CCDC138: variants seen among roughly 807,000 people sequenced by gnomAD.
CCDC138 encodes coiled-coil domain containing 138.
A neutral mutation model predicts 82.3 loss-of-function variants in CCDC138; 66 were observed. The observed-to-expected ratio is 0.80, with a 90% CI of 0.66 to 0.98. The LOEUF (loss-of-function observed/expected upper bound fraction) is 0.98, where lower values mean the gene tolerates loss of function less well. CCDC138 is among the 50% of genes least tolerant of loss of function. The probability of loss-of-function intolerance (pLI) is 0.00; values close to 1 mark genes in which losing one functional copy is unlikely to be tolerated. For synonymous variants in CCDC138, 297 were observed against 265.4 expected (o/e 1.12, Z -1.16); for missense variants, 816 against 758.9 (o/e 1.08, Z -0.88).
intron 12 of CCDC138, among the ~76,000 whole-genome samples, chr2:108,850,119 C>A (rs768054793): frequency 1.3e-5 from 2 of 152,156 alleles, no homozygotes; most frequent in African/African-American, 2.4e-5. Flanking sequence ...AGCTATTTAT[C>A]CTTTATCGTT....
At position 108,815,932 on chromosome 2, in the gene CCDC138, G is replaced by A. The variant is rs1312750536; in HGVS notation, c.1042-9G>A. 1 of 1,584,154 alleles carries A rather than the reference G, an allele frequency of 6.3e-7. No homozygotes were observed. The highest frequency in any genetic ancestry group is 2.2e-5 in the East Asian group (1 of 44,594). ...AACTGAAATAAATGATTTAATTTTTGACATATAGGTACCACTTAATGGGCA... is the reference window on the plus strand; with the variant it reads ...AACTGAAATAAATGATTTAATTTTTAACATATAGGTACCACTTAATGGGCA... On this transcript the variant is annotated splice_polypyrimidine_tract_variant and intron_variant, in intron 9 of 14. Coordinates refer to ENST00000295124, the MANE Select transcript of CCDC138 (RefSeq NM_144978.3).
At chr2:108,877,094 A>G (rs1696070701), downstream of CCDC138, among the ~76,000 whole-genome samples, 1 of 152,214 alleles carries the variant, frequency 6.6e-6, no homozygotes, top group Non-Finnish European at 1.5e-5. Context: ...ATACCAGAAA[A>G]TGTGCCATTT....
At chr2:108,859,698 T>A (rs1325096336) in intron 13 of CCDC138, among the ~76,000 whole-genome samples, 1 of 152,200 alleles carries the variant, frequency 6.6e-6, no homozygotes, top group African/African-American at 2.4e-5. Context: ...GTTTGGTTAC[T>A]ATAGCCTTGT....
intron 6 of CCDC138, among the ~76,000 whole-genome samples, chr2:108,803,741 T>C (rs912677665): frequency 6.6e-6 from 1 of 152,220 alleles, no homozygotes; most frequent in Non-Finnish European, 1.5e-5. Context: ...CATCACAATG[T>C]CCTCCCCTTT....
At chr2:108,856,362 G>C (rs1409669032) in intron 12 of CCDC138, among the ~76,000 whole-genome samples, 2 of 152,148 alleles carry the variant, frequency 1.3e-5, no homozygotes, top group African/African-American at 4.8e-5. Context: ...TAGCACGTTT[G>C]TATAAATTAC....
intron 9 of CCDC138, among the ~76,000 whole-genome samples, chr2:108,815,461 GTTTTTTTTTTTTT>G (rs35206784): frequency 2.8e-5 from 2 of 70,700 alleles, no homozygotes; most frequent in South Asian, 1.4e-3. Flanking sequence ...GGTTTTTGGT[GTTTTTTTTTTTTT>G]TTTTTTTTTT....
rs908195507 is a variant in CCDC138, at chr2:108,839,202, A to G, written c.1224A>G (p.Thr408=). The G allele has an allele frequency of 3.1e-6, 5 of 1,609,984 alleles. No homozygotes were observed. Among genetic ancestry groups the G allele is most frequent in the Non-Finnish European group, 4.2e-6 (5 of 1,177,984 alleles). The change falls in exon 11 of 15, where the codon ACA becomes ACG. Residue 408 remains threonine (T), a synonymous_variant. Coordinates refer to ENST00000295124, the MANE Select transcript of CCDC138 (RefSeq NM_144978.3). ...ATCTTTAGCTTTTGCCTCTAATGAC[A>G]GAGCAGCTACAGTGGATGCCATTTG... ...EKCVKLLPLM[T]EQLQWMPFVN... is the part of the protein sequence containing the mutation.
intron 1 of CCDC138, 115 bp downstream of exon 1, chr2:108,787,030 C>T (rs897386462): frequency 1.9e-5 from 11 of 567,808 alleles, no homozygotes; most frequent in Non-Finnish European, 2.9e-5. Context: ...GGCCCCGGCA[C>T]TCCCGCCGTG....
At chr2:108,823,309 A>T (rs1331938397) in intron 10 of CCDC138, among the ~76,000 whole-genome samples, 1 of 152,216 alleles carries the variant, frequency 6.6e-6, no homozygotes, top group Non-Finnish European at 1.5e-5. Context: ...CATTACCCTG[A>T]TACCAAAGCT....
At chr2:108,819,531 T>G (rs971889855) in intron 10 of CCDC138, among the ~76,000 whole-genome samples, 1 of 151,926 alleles carries the variant, frequency 6.6e-6, no homozygotes, top group Non-Finnish European at 1.5e-5. Flanking sequence ...CTGGAAGAGG[T>G]CTGAGGGACA....
At chr2:108,884,960 A>G (rs1462349865) in intron 2 of CCDC138, 1 of 152,288 alleles carries the variant, frequency 6.6e-6, no homozygotes, top group African/African-American at 2.4e-5. Flanking sequence ...CCCTGTCTGT[A>G]GAATGAGAAT....
intron 2 of CCDC138, 176 bp from the exon 3 acceptor site, chr2:108,788,676 C>T (rs534651748): frequency 7.4e-4 from 292 of 392,670 alleles, no homozygotes; most frequent in Non-Finnish European, 9.5e-4. Context: ...GCCGAGATTG[C>T]GCCACTGCAC....
At chr2:108,866,394 G>C (rs992036317) in intron 13 of CCDC138, among the ~76,000 whole-genome samples, 1 of 152,198 alleles carries the variant, frequency 6.6e-6, no homozygotes, top group African/African-American at 2.4e-5. Flanking sequence ...AGGGGATGTG[G>C]ACATCTTTTG....
intron 7 of CCDC138, among the ~76,000 whole-genome samples, chr2:108,812,298 C>G (rs1377776119): frequency 3.3e-5 from 5 of 152,024 alleles, no homozygotes; most frequent in African/African-American, 4.8e-5. Flanking sequence ...GTACTGCATA[C>G]TTAGGATTTT....
intron 13 of CCDC138, among the ~76,000 whole-genome samples, chr2:108,869,819 A>G (rs1694968211): frequency 6.6e-6 from 1 of 152,204 alleles, no homozygotes; most frequent in South Asian, 2.1e-4. Flanking sequence ...AAGGCCTTTC[A>G]TGTCAGTCTT....
intron 10 of CCDC138, among the ~76,000 whole-genome samples, chr2:108,823,185 C>A (rs965860963): frequency 1.3e-5 from 2 of 152,138 alleles, no homozygotes; most frequent in African/African-American, 4.8e-5. Context: ...AGCCAGAGAG[C>A]TTCACTTTAG....
Position 108,788,083 on chromosome 2 carries a change from T to A in CCDC138, c.145T>A (p.Ser49Thr). Residue 49 changes from serine (S) to threonine (T), a missense_variant, in exon 2 of 15, where the codon TCC becomes ACC. Coordinates refer to ENST00000295124, the MANE Select transcript of CCDC138 (RefSeq NM_144978.3). ...TAAGTATAAGAGAAGAACTCTAACC[T>A]CCCCAGGTAAGCCGGTATTTTGTAT... ...QSKYKRRTLT[S>T]PGDLDIYSGD... 2 of 1,600,554 alleles carry A rather than the reference T, an allele frequency of 1.2e-6. No homozygotes were observed. The highest frequency in any genetic ancestry group is 1.7e-6 in the Non-Finnish European group (2 of 1,175,198).
In CCDC138 at chr2:108,876,103, CTT is replaced by C; in HGVS notation, c.1850_1851del (p.Phe617Ter). ...TTTTTTACAGGAGTAATAAGAAGCT[CTT>C]TGAACTTTTTACGATTCATCTGATG... Reference protein sequence around the residue: ...LSKIKSNKKLFELFTIHLMLQ... With the variant: ...LSKIKSNKKLXELFTIHLMLQ... On this transcript the variant is annotated frameshift_variant, in exon 15 of 15. Coordinates refer to ENST00000295124, the MANE Select transcript of CCDC138 (RefSeq NM_144978.3). LOFTEE classifies it high-confidence loss of function. 6.3e-7 allele frequency: 1 copy of C among 1,594,656 alleles called. No individual in the cohort carries two copies. The highest frequency in any genetic ancestry group is 8.6e-7 in the Non-Finnish European group (1 of 1,163,514).
Position 108,794,693 on chromosome 2 carries a change from A to G in CCDC138, c.548A>G (p.Glu183Gly). ...CATCAGATCAGTCAGATATATGACG[A>G]ATTATTTCAGATACATCTGAAATTG... ...LPHQISQIYD[E>G]LFQIHLKLQC... Residue 183 changes from glutamate to glycine, a missense_variant, in exon 5 of 15, where the codon GAA becomes GGA. Glu to Gly is a moderately conservative substitution (Grantham distance 98, BLOSUM62 -2). Coordinates refer to ENST00000295124, the MANE Select transcript of CCDC138 (RefSeq NM_144978.3). 6.2e-7 allele frequency: 1 copy of G among 1,613,290 alleles called. No homozygotes were observed. The highest frequency in any genetic ancestry group is 8.5e-7 in the Non-Finnish European group (1 of 1,179,658).
Sources: allele counts gnomAD v4.1 joint callset (sites outside exome capture counted in the v4.1 genomes callset), GRCh38; gene constraint gnomAD v4.1.1; transcripts MANE v1.5; gene names NCBI Gene and HGNC (gene_info 2026-07-23, HGNC 2026-07-21).